Variants in BMP6 observed in about 807,000 individuals in gnomAD.
The protein encoded by BMP6 is bone morphogenetic protein 6, also known as VG-1-R.
A neutral mutation model predicts 54.1 loss-of-function variants in BMP6; 17 were observed. That is an observed-to-expected ratio of 0.31 (90% CI 0.22 to 0.47). BMP6 has a LOEUF of 0.47. BMP6 is among the 20% of genes least tolerant of loss of function. The probability of loss-of-function intolerance (pLI) is 1.00; values close to 1 mark genes in which losing one functional copy is unlikely to be tolerated. For missense variants in BMP6, 720 were observed against 690.4 expected (o/e 1.04, Z -0.48); for synonymous variants, 328 against 291.2 (o/e 1.13, Z -1.28).
chr6:7,866,856 C>T (rs1431355126), intron 4 of BMP6, among the ~76,000 whole-genome samples: 3 of 152,106 alleles, frequency 2.0e-5, no homozygotes, highest in Non-Finnish European at 2.9e-5. Context: ...ATCAATGCCA[C>T]CTATTAGCAT....
chr6:7,754,296 A>G (rs925556586), intron 1 of BMP6, among the ~76,000 whole-genome samples: 2 of 151,702 alleles, frequency 1.3e-5, no homozygotes, highest in Non-Finnish European at 2.9e-5. Context: ...GTGTCTTTGG[A>G]AAGATCAGGT....
chr6:7,768,366 G>A (rs1175131190), intron 1 of BMP6, among the ~76,000 whole-genome samples: 1 of 152,076 alleles, frequency 6.6e-6, no homozygotes, highest in Non-Finnish European at 1.5e-5. Flanking sequence ...CCAGCAATTC[G>A]CCACTTAGGA....
Position 7,880,505 on chromosome 6 carries a change from T to A in BMP6, c.*162T>A. The A allele has an allele frequency of 1.0e-6, 1 of 982,866 alleles. No homozygotes were observed. Among genetic ancestry groups the A allele is most frequent in the Non-Finnish European group, 1.5e-6 (1 of 669,544 alleles). The allele number at this position is 982,866 out of a possible 1,614,324, so 60.9% of individuals were successfully genotyped here. A position where few individuals can be genotyped will look rare whatever the true frequency, so the allele number is the denominator to read the frequency against. On this transcript the variant is annotated 3_prime_UTR_variant, in exon 7 of 7. Coordinates refer to ENST00000283147, the MANE Select transcript of BMP6 (RefSeq NM_001718.6). ...GGAAGATTTTAAAGGACCTCATTAATAATTTGCTCACTTGGTAAATGACGT... is the reference window on the plus strand; with the variant it reads ...GGAAGATTTTAAAGGACCTCATTAAAAATTTGCTCACTTGGTAAATGACGT...
chr6:7,795,174 T>A (rs191914660), intron 1 of BMP6, among the ~76,000 whole-genome samples: 135 of 152,338 alleles, frequency 8.9e-4, no homozygotes, highest in African/African-American at 3.2e-3. Flanking sequence ...ATAGTCCCCA[T>A]GTCTGTAACC....
chr6:7,867,207 T>C (rs1214381716), intron 4 of BMP6, among the ~76,000 whole-genome samples: 1 of 152,090 alleles, frequency 6.6e-6, no homozygotes, highest in African/African-American at 2.4e-5. Flanking sequence ...TCCCTCCTTT[T>C]CCCACCCCCA....
chr6:7,848,565 C>T (rs574959207), intron 2 of BMP6, among the ~76,000 whole-genome samples: 15 of 152,242 alleles, frequency 9.9e-5, no homozygotes, highest in South Asian at 4.2e-4. Flanking sequence ...TCCAAATTCT[C>T]GGGGAGGCAT....
chr6:7,878,949 C>T (rs142578090), intron 4 of BMP6, 125 bp from the exon 5 acceptor site: 30 of 919,020 alleles, frequency 3.3e-5, no homozygotes, highest in Middle Eastern at 4.4e-4. Context: ...GGTGACCATA[C>T]TTGTATCTAG....
chr6:7,842,977 G>T (rs1254962485), intron 1 of BMP6, among the ~76,000 whole-genome samples: 2 of 152,178 alleles, frequency 1.3e-5, no homozygotes, highest in African/African-American at 2.4e-5. Context: ...CTGTGTGACT[G>T]TTTTTTAGAA....
intron 1 of BMP6, among the ~76,000 whole-genome samples, chr6:7,825,209 G>T (rs546700104): frequency 2.9e-5 from 4 of 136,056 alleles, no homozygotes; most frequent in African/African-American, 1.1e-4. Context: ...AGTTCCAGGA[G>T]TTCAAGCTTA....
At chr6:7,847,021 T>G (rs1355776724) in intron 2 of BMP6, among the ~76,000 whole-genome samples, 3 of 152,176 alleles carry the variant, frequency 2.0e-5, no homozygotes, top group African/African-American at 7.2e-5. Context: ...AAAATTGTTA[T>G]TTGTTTTAAA....
intron 4 of BMP6, among the ~76,000 whole-genome samples, chr6:7,875,102 G>C (rs2113293475): frequency 6.6e-6 from 1 of 152,280 alleles, no homozygotes; most frequent in East Asian, 1.9e-4. Flanking sequence ...GTAAGTCCTA[G>C]TTGGAAGTCA....
At chr6:7,835,526 C>T (rs1047368505) in intron 1 of BMP6, among the ~76,000 whole-genome samples, 2 of 152,198 alleles carry the variant, frequency 1.3e-5, no homozygotes, top group Non-Finnish European at 1.5e-5. Flanking sequence ...TCTCTTTAAG[C>T]TGGCCTATCT....
intron 1 of BMP6, among the ~76,000 whole-genome samples, chr6:7,808,548 T>C (rs938695732): frequency 2.0e-5 from 3 of 152,166 alleles, no homozygotes; most frequent in African/African-American, 4.8e-5. Context: ...TAAAGAAGAT[T>C]TGGATGTTCC....
chr6:7,865,980 C>T (rs931862358), intron 4 of BMP6, among the ~76,000 whole-genome samples: 6 of 152,190 alleles, frequency 3.9e-5, no homozygotes, highest in East Asian at 1.9e-4. Context: ...GTGCCTGAGA[C>T]GGCAAGACTA....
At chr6:7,827,704 G>A (rs1468860903) in intron 1 of BMP6, among the ~76,000 whole-genome samples, 1 of 152,224 alleles carries the variant, frequency 6.6e-6, no homozygotes, top group Non-Finnish European at 1.5e-5. Flanking sequence ...CAACCCAAAT[G>A]TGTTTTTCTT....
At chr6:7,877,026 TGA>T (rs1759632158) in intron 4 of BMP6, among the ~76,000 whole-genome samples, 2 of 152,198 alleles carry the variant, frequency 1.3e-5, no homozygotes, top group Non-Finnish European at 2.9e-5. Flanking sequence ...GCCATCCTCT[TGA>T]GAGACTTTGT....
chr6:7,835,961 C>T (rs371272653), intron 1 of BMP6, among the ~76,000 whole-genome samples: 5 of 152,066 alleles, frequency 3.3e-5, no homozygotes, highest in Admixed American at 1.3e-4. Context: ...CTCAGCCTCG[C>T]GAGTAGCCGG....
intron 1 of BMP6, among the ~76,000 whole-genome samples, chr6:7,802,684 G>T (rs1758288344): frequency 6.6e-6 from 1 of 152,198 alleles, no homozygotes; most frequent in Non-Finnish European, 1.5e-5. Context: ...CTTCTGAGCA[G>T]GTCACTGAAA....
chr6:7,831,126 T>A (rs1481303044), intron 1 of BMP6, among the ~76,000 whole-genome samples: 1 of 152,182 alleles, frequency 6.6e-6, no homozygotes, highest in Non-Finnish European at 1.5e-5. Flanking sequence ...CAGCCATAAA[T>A]AAGGATGGAG....
Sources: gnomAD v4.1 joint callset for allele counts (sites outside exome capture counted in the v4.1 genomes callset) on GRCh38, gnomAD v4.1.1 for gene constraint, MANE v1.5 for transcripts, NCBI Gene and HGNC (gene_info 2026-07-23, HGNC 2026-07-21) for gene names.